The following CFAP74 variants were observed in gnomAD, a reference collection of about 807,000 sequenced individuals.
The protein encoded by CFAP74 is cilia- and flagella-associated protein 74.
CFAP74 carries 124 observed loss-of-function variants against 188.9 expected under a neutral mutation model. The observed-to-expected ratio is 0.66, with a 90% confidence interval of 0.57 to 0.76. The LOEUF (loss-of-function observed/expected upper bound fraction) is 0.76. Ranked by LOEUF, CFAP74 falls within the 30% of genes least tolerant of loss-of-function variation. The pLI is 0.00. For synonymous variants in CFAP74, 956 were observed against 916.7 expected (o/e 1.04, Z -0.77); for missense variants, 2,198 against 2,165.2 (o/e 1.02, Z -0.30).
At chr1:1,991,301 C>G (rs928430376) in intron 1 of CFAP74, among the ~76,000 whole-genome samples, 2 of 152,296 alleles carry the variant, frequency 1.3e-5, no homozygotes, top group South Asian at 2.1e-4. Context: ...CGTGGTGAGG[C>G]TACAGTGAGC....
At chr1:1,988,829 C>G (rs1242270369) in intron 3 of CFAP74, 60 bp downstream of exon 3, 15 of 425,732 alleles carry the variant, frequency 3.5e-5, no homozygotes, top group Non-Finnish European at 6.3e-5. Flanking sequence ...CCCACCCCCC[C>G]ACCCCCACCC....
chr1:1,969,212 C>T (rs1209723096), intron 10 of CFAP74, among the ~76,000 whole-genome samples: 1 of 136,314 alleles, frequency 7.3e-6, no homozygotes, highest in Non-Finnish European at 1.6e-5. Flanking sequence ...CCAGCCTAGC[C>T]CTGCCCAGCC....
At chr1:1,983,789 C>T (rs1016360705) in intron 6 of CFAP74, 5 of 151,816 alleles carry the variant, frequency 3.3e-5, no homozygotes, top group East Asian at 1.9e-4. Flanking sequence ...CCCGGGCTCA[C>T]GCCATTCTCC....
chr1:1,994,163 T>C (rs1657790141), intron 1 of CFAP74, among the ~76,000 whole-genome samples: 1 of 111,588 alleles, frequency 9.0e-6, no homozygotes, highest in African/African-American at 4.3e-5. Context: ...AGACCCTGAC[T>C]CTAAAAGGGT....
rs202027219 is a variant in CFAP74 at position 1,971,391 on chromosome 1, G to GCA, written c.889-577_889-576dup. On this transcript the variant is annotated intron_variant, in intron 9 of 38. Transcript: ENST00000682832. ...CACACGGTCACACATGCACACACGT[G>GCA]CACACACGGTCACACATGCACACAT... Among the ~76,000 whole-genome samples, 1,190 of 150,954 alleles carry GCA rather than the reference G, an allele frequency of 7.9e-3. 22 individuals carry two copies. In the East Asian group the frequency reaches 0.086, roughly 11 times the overall value.
chr1:1,935,325 CACAG>C (rs1278977180), intron 25 of CFAP74, among the ~76,000 whole-genome samples: 1 of 89,888 alleles, frequency 1.1e-5, no homozygotes, highest in Admixed American at 1.3e-4. Flanking sequence ...GTTGTAGGTA[CACAG>C]GTGTGTACGT....
Position 1,942,048 on chromosome 1 carries a change from C to A in CFAP74, c.2595G>T (p.Val865=). Residue 865 remains valine, a synonymous_variant, in exon 22 of 39, where the codon GTG becomes GTT. Transcript: ENST00000682832. This position sits in a 1 kb window ranked among gnomAD's most constrained non-coding sequence, Gnocchi z 4.3. The part of the protein sequence containing the change: ...GYIQAQSSYS[V]QLKFLPRHSL... ...CCTACCGCGGCAGGAACTTGAGCTGCACGGAGTAGGACGACTGTGCCTGGA... is the reference window on the plus strand; with the variant it reads ...CCTACCGCGGCAGGAACTTGAGCTGAACGGAGTAGGACGACTGTGCCTGGA... 1 of 1,523,844 alleles carries A rather than the reference C, an allele frequency of 6.6e-7. No individual in the cohort carries two copies. Among genetic ancestry groups the A allele is most frequent in the Admixed American group, 2.0e-5 (1 of 48,824 alleles). The allele number at this position is 1,523,844 out of a possible 1,614,324, so 94.4% of individuals were successfully genotyped here.
At chr1:1,963,481 AAAG>A (rs1655240066) in intron 14 of CFAP74, among the ~76,000 whole-genome samples, 1 of 148,558 alleles carries the variant, frequency 6.7e-6, no homozygotes, top group Admixed American at 6.7e-5. Flanking sequence ...AAAAAAAAAA[AAAG>A]GCAGCAAAAC....
chr1:1,993,076 C>G (rs1201779759), intron 1 of CFAP74, among the ~76,000 whole-genome samples: 2 of 151,234 alleles, frequency 1.3e-5, no homozygotes, highest in African/African-American at 2.4e-5. Flanking sequence ...TGGCAGGCAC[C>G]TGTAGTCCCA....
intron 25 of CFAP74, among the ~76,000 whole-genome samples, chr1:1,937,393 C>T (rs781362992): frequency 6.6e-6 from 1 of 152,146 alleles, no homozygotes; most frequent in Non-Finnish European, 1.5e-5. Flanking sequence ...ACGCACCTGG[C>T]GTCTTCAATA....
At chr1:1,930,415 TGG>T in intron 25 of CFAP74, 79 bp from the exon 26 acceptor site, 1 of 1,390,602 alleles carries the variant, frequency 7.2e-7, no homozygotes, top group Non-Finnish European at 9.5e-7. Context: ...GGCCACTGGG[TGG>T]AGGACAAGCC....
At chr1:1,937,993 C>G (rs1052925134) in intron 25 of CFAP74, among the ~76,000 whole-genome samples, 2 of 152,086 alleles carry the variant, frequency 1.3e-5, no homozygotes, top group African/African-American at 2.4e-5. Flanking sequence ...GTCGCACACT[C>G]AAGCACTCAC....
At chr1:1,978,880 T>C (rs1355981476) in intron 6 of CFAP74, among the ~76,000 whole-genome samples, 1 of 152,112 alleles carries the variant, frequency 6.6e-6, no homozygotes, top group Non-Finnish European at 1.5e-5. Flanking sequence ...CCAAGCGGGG[T>C]GCACACAAAG....
chr1:1,989,594 G>T (rs1657455698), intron 2 of CFAP74, among the ~76,000 whole-genome samples: 1 of 152,194 alleles, frequency 6.6e-6, no homozygotes, highest in Non-Finnish European at 1.5e-5. Flanking sequence ...CCGAGTAGCT[G>T]AGGCTACAGA....
chr1:1,941,968 G>T, intron 22 of CFAP74, 60 bp downstream of exon 22: 2 of 1,400,034 alleles, frequency 1.4e-6, no homozygotes, highest in Non-Finnish European at 1.9e-6. Flanking sequence ...GGCGAGGAGC[G>T]CCTCGGAGCC....
intron 10 of CFAP74, among the ~76,000 whole-genome samples, chr1:1,970,068 C>T (rs966995688): frequency 6.6e-6 from 1 of 152,298 alleles, no homozygotes; most frequent in East Asian, 1.9e-4. Context: ...CTCAGGAAGC[C>T]CAGTGGGGCC....
At position 1,925,913 on chromosome 1, in the gene CFAP74, G is replaced by C. The variant is rs1211635139; in HGVS notation, c.3974C>G (p.Thr1325Ser). The change falls in exon 33 of 39, where the codon ACC becomes AGC. Residue 1325 changes from threonine (T) to serine (S), a missense_variant. Transcript: ENST00000682832. ...GGTGAGGGTGAGCGTGCCTCTCTTG[G>C]TGATGATGTCCAGTGTTTCTTGAGC... ...ILAQETLDII[T>S]KRGTLTLTLM... The C allele has an allele frequency of 6.2e-7, 1 of 1,611,474 alleles. No individual in the cohort carries two copies. Among genetic ancestry groups the C allele is most frequent in the East Asian group, 2.2e-5 (1 of 44,876 alleles).
intron 6 of CFAP74, 28 bp downstream of exon 6, chr1:1,985,358 T>C (rs1343233927): frequency 1.3e-6 from 2 of 1,577,852 alleles, no homozygotes. Flanking sequence ...GCCTGCCTGC[T>C]GCCAGTCCCG....
At position 1,926,230 on chromosome 1, in the gene CFAP74, G is replaced by C. The variant is rs1362990849; in HGVS notation, c.3946C>G (p.Leu1316Val). ...VLSFSPHESILAQETLDIITK... is the reference protein window; with the variant it reads ...VLSFSPHESIVAQETLDIITK... Reference sequence around the variant, plus strand: ...GCCAGGGTGGGCCTGGGACTCACCAGGATGCTCTCGTGGGGAGAGAAGGAA... The same window carrying C: ...GCCAGGGTGGGCCTGGGACTCACCACGATGCTCTCGTGGGGAGAGAAGGAA... The change falls in exon 32 of 39, where the codon CTG (leucine) becomes GTG (valine). Residue 1316 changes from leucine (L) to valine (V), a missense_variant and splice_region_variant. Physicochemically the swap from Leu to Val is conservative, Grantham distance 32. Coordinates refer to ENST00000682832, the MANE Select transcript of CFAP74 (RefSeq NM_001304360.2). 1.6e-5 allele frequency: 24 copies of C among 1,506,632 alleles called. No individual in the cohort carries two copies. The East Asian group carries it at 5.4e-4, about 34-fold the overall frequency. The allele number at this position is 1,506,632 out of a possible 1,614,324, so 93.3% of individuals were successfully genotyped here. A position where few individuals can be genotyped will look rare whatever the true frequency, so the allele number is the denominator to read the frequency against.
Sources: allele counts gnomAD v4.1 joint callset (sites outside exome capture counted in the v4.1 genomes callset), GRCh38; gene constraint gnomAD v4.1.1; non-coding constraint Gnocchi (gnomAD v3.1); transcripts MANE v1.5; gene names NCBI Gene and HGNC (gene_info 2026-07-23, HGNC 2026-07-21).